DMD: variants seen among roughly 807,000 people sequenced by gnomAD.
DMD encodes mutant dystrophin.
In DMD, 63 loss-of-function variants were observed where a neutral mutation model predicts 330.1. That is an observed-to-expected ratio of 0.19 (90% CI 0.16 to 0.24). The LOEUF (loss-of-function observed/expected upper bound fraction) is 0.24. Ranked by LOEUF, DMD falls within the 10% of genes least tolerant of loss-of-function variation. The probability of loss-of-function intolerance (pLI) is 1.00; values close to 1 mark genes in which losing one functional copy is unlikely to be tolerated. For missense variants in DMD, 3,344 were observed against 2,684.1 expected (o/e 1.25, Z -5.43); for synonymous variants, 1,223 against 959.8 (o/e 1.27, Z -5.07).
chrX:31,856,738 T>C (rs1250900521), intron 48 of DMD, among the ~76,000 whole-genome samples: 1 of 112,555 alleles, frequency 8.9e-6, no homozygotes, highest in Non-Finnish European at 1.9e-5. Flanking sequence ...TGTGTGTGCA[T>C]AATTTGTATT....
chrX:32,448,784 T>C (rs1210451104), intron 26 of DMD, 146 bp from the exon 27 acceptor site: 9 of 515,583 alleles, frequency 1.7e-5, no homozygotes, highest in Admixed American at 1.3e-4. Flanking sequence ...TCCAGTCTCT[T>C]CCATAAATTT....
In DMD at chrX:31,932,177, T is replaced by A. The variant is rs1180468756; in HGVS notation, c.6665A>T (p.Glu2222Val). 3.4e-6 allele frequency: 4 copies of A among 1,190,690 alleles called. No homozygotes were observed. The highest frequency in any genetic ancestry group is 4.6e-6 in the Non-Finnish European group (4 of 876,427). The change falls in exon 46 of 79, where the codon GAA (glutamate) becomes GTA (valine). Residue 2222 changes from glutamate (E) to valine (V), a missense_variant. Glu to Val is a moderately radical substitution (Grantham distance 121, BLOSUM62 -2). Transcript: ENST00000357033. ...ILSEFQRDLN[E>V]FVLWLEEADN... The stretch of plus-strand genomic sequence containing the variant: ...TGCTTCCTCCAACCATAAAACAAAT[T>A]CATTTAAATCTCTTTGAAATTCTGA...
intron 13 of DMD, among the ~76,000 whole-genome samples, chrX:32,591,512 C>T (rs987257633): frequency 8.9e-6 from 1 of 111,985 alleles, no homozygotes; most frequent in Non-Finnish European, 1.9e-5. Context: ...TTTTTTCATG[C>T]AAGTTTTTAT....
At chrX:32,641,534 A>G in intron 11 of DMD, 1 of 158,806 alleles carries the variant, frequency 6.3e-6, no homozygotes, top group Non-Finnish European at 1.5e-5. Flanking sequence ...GGAAAAAAAC[A>G]TGATTACTTT....
At chrX:33,266,213 C>G (rs1343415352) in intron 1 of DMD, among the ~76,000 whole-genome samples, 2 of 111,490 alleles carry the variant, frequency 1.8e-5, no homozygotes, top group Admixed American at 9.6e-5. Context: ...ACCATCTCTC[C>G]CACTTCTTCT....
intron 43 of DMD, among the ~76,000 whole-genome samples, chrX:32,230,595 T>A (rs2097165880): frequency 8.9e-6 from 1 of 111,953 alleles, no homozygotes; most frequent in East Asian, 2.8e-4. Context: ...GTATGAAGAT[T>A]TTTTTTGAAA....
At chrX:32,979,761 G>A (rs1202802370) in intron 2 of DMD, among the ~76,000 whole-genome samples, 1 of 111,741 alleles carries the variant, frequency 8.9e-6, no homozygotes, top group African/African-American at 3.2e-5. Flanking sequence ...AATGGGAGAA[G>A]TAGTCTCATA....
intron 48 of DMD, among the ~76,000 whole-genome samples, chrX:31,837,072 T>A (rs1309504690): frequency 1.8e-5 from 2 of 111,830 alleles, no homozygotes; most frequent in Non-Finnish European, 1.9e-5. Context: ...TTAACTACTT[T>A]TCAAAAAAGT....
rs2092718786 is a variant in DMD at position 31,820,035 on chromosome X, G to A, written c.7249C>T (p.Leu2417Phe). ...GGCTGCTTTGCCCTCAGCTCTTGAA[G>A]TAAACGGTTTACCGCCTTCCACTCA... ...SSEWKAVNRL[L>F]QELRAKQPDL... The change falls in exon 50 of 79, where the codon CTT becomes TTT. Residue 2417 changes from leucine to phenylalanine, a missense_variant. Leu to Phe is a conservative substitution (Grantham distance 22). Coordinates refer to ENST00000357033, the MANE Select transcript of DMD (RefSeq NM_004006.3). The A allele has an allele frequency of 8.3e-7, 1 of 1,211,856 alleles. No homozygotes were observed. Among genetic ancestry groups the A allele is most frequent in the South Asian group, 1.8e-5 (1 of 57,003 alleles).
At chrX:31,827,060 G>T (rs1221176073) in intron 49 of DMD, among the ~76,000 whole-genome samples, 18 of 112,090 alleles carry the variant, frequency 1.6e-4, no homozygotes, top group Non-Finnish European at 3.2e-4. Flanking sequence ...GCTTTATGAA[G>T]AACAGGAATT....
chrX:32,394,123 T>TC (rs2147682059), intron 30 of DMD, among the ~76,000 whole-genome samples: 1 of 111,329 alleles, frequency 9.0e-6, no homozygotes, highest in Non-Finnish European at 1.9e-5. Flanking sequence ...GTGATTTTTT[T>TC]TAAATGTAAG....
chrX:32,711,818 T>G (rs1312569139), intron 7 of DMD, among the ~76,000 whole-genome samples: 1 of 112,037 alleles, frequency 8.9e-6, no homozygotes, highest in African/African-American at 3.2e-5. Flanking sequence ...CATCTGCCTG[T>G]CTAATGAGAT....
intron 57 of DMD, among the ~76,000 whole-genome samples, chrX:31,480,024 G>T (rs745548208): frequency 2.7e-5 from 3 of 111,979 alleles, no homozygotes; most frequent in Non-Finnish European, 3.8e-5. Flanking sequence ...ATTAATAAAA[G>T]TATTAAGTGC....
chrX:31,792,635 G>A (rs866997496), intron 50 of DMD, among the ~76,000 whole-genome samples: 8 of 111,959 alleles, frequency 7.1e-5, no homozygotes, highest in African/African-American at 1.6e-4. Flanking sequence ...TGTGGAACTC[G>A]CAACAGGGGT....
chrX:31,585,777 A>G (rs1020144162), intron 55 of DMD, among the ~76,000 whole-genome samples: 3 of 111,688 alleles, frequency 2.7e-5, no homozygotes, highest in Non-Finnish European at 5.6e-5. Context: ...ATCAGCAACA[A>G]TAGTATCCCC....
intron 47 of DMD, among the ~76,000 whole-genome samples, chrX:31,903,277 A>G (rs1430982341): frequency 9.0e-6 from 1 of 111,526 alleles, no homozygotes; most frequent in Non-Finnish European, 1.9e-5. Flanking sequence ...AGCACATTTC[A>G]GTGGGGACTA....
chrX:31,456,832 A>ATG (rs1491456491), intron 59 of DMD, among the ~76,000 whole-genome samples: 1 of 66,527 alleles, frequency 1.5e-5, no homozygotes, highest in African/African-American at 6.4e-5. Flanking sequence ...CTGTGCCCAC[A>ATG]TATATGTGTG....
chrX:33,199,414 C>G (rs1340333997), intron 1 of DMD, among the ~76,000 whole-genome samples: 1 of 111,056 alleles, frequency 9.0e-6, no homozygotes, highest in African/African-American at 3.3e-5. Context: ...GCTTGTGAAA[C>G]TGGGTGAATG....
chrX:31,474,440 T>C (rs1333510717), intron 59 of DMD, among the ~76,000 whole-genome samples: 3 of 110,076 alleles, frequency 2.7e-5, no homozygotes, highest in Non-Finnish European at 3.8e-5. Flanking sequence ...TGCCTAGTTA[T>C]CAGTGCTGTA....
Sources: allele counts gnomAD v4.1 joint callset (sites outside exome capture counted in the v4.1 genomes callset), GRCh38; gene constraint gnomAD v4.1.1; transcripts MANE v1.5; gene names NCBI Gene and HGNC (gene_info 2026-07-23, HGNC 2026-07-21).